Variants in FOXP2 observed in about 807,000 individuals in gnomAD.
FOXP2 encodes forkhead box protein P2.
A neutral mutation model predicts 115.8 loss-of-function variants in FOXP2; 12 were observed. The observed-to-expected ratio is 0.10, with a 90% CI of 0.07 to 0.17. FOXP2 has a LOEUF of 0.17. Ranked by LOEUF, FOXP2 falls within the 10% of genes least tolerant of loss-of-function variation. FOXP2 has a pLI of 1.00. For synonymous variants in FOXP2, 328 were observed against 297.7 expected (o/e 1.10, Z -1.05); for missense variants, 629 against 843.5 (o/e 0.75, Z 3.15).
chr7:114,096,067 C>G (rs1799642494), intron 1 of FOXP2, among the ~76,000 whole-genome samples: 2 of 152,124 alleles, frequency 1.3e-5, no homozygotes, highest in South Asian at 4.1e-4. Flanking sequence ...ACTTTGCTTT[C>G]CCAGTCCCCA....
chr7:114,299,416 G>A (rs2129178042), intron 2 of FOXP2, among the ~76,000 whole-genome samples: 1 of 152,002 alleles, frequency 6.6e-6, no homozygotes, highest in Admixed American at 6.6e-5. Flanking sequence ...CCCATATCTA[G>A]TTCCAAGAGG....
intron 2 of FOXP2, among the ~76,000 whole-genome samples, chr7:114,485,110 TG>T (rs1796718565): frequency 6.6e-6 from 1 of 151,988 alleles, no homozygotes; most frequent in Admixed American, 6.6e-5. Context: ...ATATATGCTT[TG>T]CCCCAAATGC....
rs1202279108 is a variant in FOXP2, at chr7:114,239,099, CTA to C, written c.-101-48918_-101-48917del. Among the ~76,000 whole-genome samples, 8 of 151,858 alleles carry C rather than the reference CTA, an allele frequency of 5.3e-5. No homozygotes were observed. The South Asian group carries it at 1.0e-3, about 20-fold the overall frequency. On this transcript the variant is annotated intron_variant, in intron 1 of 17. Coordinates refer to the FOXP2 transcript ENST00000634411. ...TGAACAAAAATTTAGTATTTAATAA[CTA>C]TTTTCTATTGCTTAGATGGATTGAT...
intron 1 of FOXP2, among the ~76,000 whole-genome samples, chr7:114,128,667 A>G (rs1040281694): frequency 1.3e-5 from 2 of 152,052 alleles, no homozygotes; most frequent in Non-Finnish European, 2.9e-5. Context: ...TCTTATCTTT[A>G]TGGTCCTGAA....
chr7:114,214,678 G>C (rs151284077), intron 1 of FOXP2, among the ~76,000 whole-genome samples: 123 of 152,162 alleles, frequency 8.1e-4, no homozygotes, highest in Middle Eastern at 3.4e-3. Context: ...TGCTGGGGTC[G>C]TTGCTCAGTC....
chr7:114,642,779 A>ATATATAT (rs1491273950), intron 7 of FOXP2, among the ~76,000 whole-genome samples, 156 bp downstream of exon 7: 4 of 91,184 alleles, frequency 4.4e-5, no homozygotes, highest in South Asian at 9.1e-4. Context: ...TTTTATATAT[A>ATATATAT]ATATATATAT....
At chr7:114,425,446 A>C (rs1437174911) in intron 1 of FOXP2, among the ~76,000 whole-genome samples, 1 of 151,588 alleles carries the variant, frequency 6.6e-6, no homozygotes, top group African/African-American at 2.4e-5. Flanking sequence ...CCACAGATTC[A>C]GGATGTACTG....
At chr7:114,530,370 G>A (rs548245262) in intron 2 of FOXP2, among the ~76,000 whole-genome samples, 4 of 151,908 alleles carry the variant, frequency 2.6e-5, no homozygotes, top group African/African-American at 9.6e-5. Context: ...AATGTGTCAC[G>A]CTGTGCTGTT....
chr7:114,693,284 C>CATT lies in FOXP2; in HGVS notation c.*3359_*3361dup. 2 of 451,674 alleles carry CATT rather than the reference C, an allele frequency of 4.4e-6. No homozygotes were observed. The highest frequency in any genetic ancestry group is 8.9e-6 in the Non-Finnish European group (2 of 225,572). The allele number at this position is 451,674 out of a possible 1,614,324, so 28.0% of individuals were successfully genotyped here. ...ACAGCTGCTTAACTTCATAAGAATG[C>CATT]ATTTCTTTGTGATTAGGGAATCGAA... On this transcript the variant is annotated 3_prime_UTR_variant, in exon 17 of 17. Coordinates refer to ENST00000350908, the MANE Select transcript of FOXP2 (RefSeq NM_014491.4).
At chr7:114,380,402 A>T (rs1044584137) in intron 2 of FOXP2, among the ~76,000 whole-genome samples, 4 of 152,182 alleles carry the variant, frequency 2.6e-5, no homozygotes, top group Non-Finnish European at 5.9e-5. Flanking sequence ...TGAGGGGATT[A>T]CTTTCAAGTA....
At chr7:114,449,332 T>C (rs1794969720) in intron 2 of FOXP2, among the ~76,000 whole-genome samples, 1 of 152,172 alleles carries the variant, frequency 6.6e-6, no homozygotes, top group Non-Finnish European at 1.5e-5. Context: ...TGTATTCATA[T>C]ATTTTTAAAT....
At position 114,636,312 on chromosome 7, in the gene FOXP2, T is replaced by C. The variant is rs189410012; in HGVS notation, c.775+4607T>C. ...TCTGGCCATGTATGTATACCAGTTT[T>C]TAAGTTTCACATCTTAAAATACAAA... On this transcript the variant is annotated intron_variant, in intron 6 of 16. Coordinates refer to ENST00000350908, the MANE Select transcript of FOXP2 (RefSeq NM_014491.4). Among the ~76,000 whole-genome samples, 233 of 152,282 alleles carry C rather than the reference T, an allele frequency of 1.5e-3. 2 individuals carry two copies. The highest frequency in any genetic ancestry group is 5.2e-3 in the African/African-American group (218 of 41,568).
intron 8 of FOXP2, among the ~76,000 whole-genome samples, chr7:114,648,314 G>A (rs1464866798): frequency 6.6e-6 from 1 of 151,962 alleles, no homozygotes; most frequent in Non-Finnish European, 1.5e-5. Flanking sequence ...TCAACTAAAT[G>A]AATAGTGACA....
chr7:114,088,913 A>G (rs909513505), intron 1 of FOXP2, among the ~76,000 whole-genome samples: 1 of 152,136 alleles, frequency 6.6e-6, no homozygotes, highest in Non-Finnish European at 1.5e-5. Context: ...ATACAATTTC[A>G]TATCAGTTTT....
At chr7:114,208,346 G>T (rs773677502) in intron 1 of FOXP2, among the ~76,000 whole-genome samples, 1 of 152,122 alleles carries the variant, frequency 6.6e-6, no homozygotes, top group Non-Finnish European at 1.5e-5. Context: ...TCTTCCATTT[G>T]GAACAGCTGT....
chr7:114,578,970 T>C (rs576287232), intron 3 of FOXP2, among the ~76,000 whole-genome samples: 2 of 152,314 alleles, frequency 1.3e-5, no homozygotes, highest in African/African-American at 4.8e-5. Context: ...ATTTAGTTTC[T>C]AATTGTTAAA....
At chr7:114,407,265 A>G (rs1793057525) in intron 2 of FOXP2, among the ~76,000 whole-genome samples, 1 of 152,104 alleles carries the variant, frequency 6.6e-6, no homozygotes, top group Non-Finnish European at 1.5e-5. Flanking sequence ...AGTGATGTCT[A>G]AAAGATAAAT....
intron 1 of FOXP2, among the ~76,000 whole-genome samples, chr7:114,169,428 A>G (rs928566332): frequency 6.6e-6 from 1 of 152,212 alleles, no homozygotes; most frequent in African/African-American, 2.4e-5. Flanking sequence ...GCTGGGTTTC[A>G]GAATTGCATG....
chr7:114,439,614 T>C (rs1006760025), intron 2 of FOXP2, among the ~76,000 whole-genome samples: 2 of 152,150 alleles, frequency 1.3e-5, no homozygotes, highest in African/African-American at 4.8e-5. Context: ...GGCGTGATCT[T>C]AGCTCACTGC....
Sources: gnomAD v4.1 joint callset for allele counts (sites outside exome capture counted in the v4.1 genomes callset) on GRCh38, gnomAD v4.1.1 for gene constraint, MANE v1.5 for transcripts, NCBI Gene and HGNC (gene_info 2026-07-23, HGNC 2026-07-21) for gene names.